The following KCNT2 variants were observed in gnomAD, a reference collection of about 807,000 sequenced individuals.
KCNT2 encodes potassium channel subfamily T member 2.
In KCNT2, 67 loss-of-function variants were observed where a neutral mutation model predicts 153.8. The ratio of observed to expected loss-of-function variants is 0.44; its 90% CI spans 0.36 to 0.53. The LOEUF (loss-of-function observed/expected upper bound fraction) is 0.53. Among genes scored for constraint, KCNT2 ranks in the 20% least tolerant of loss-of-function variants. The pLI is 0.00. For missense variants in KCNT2, 975 were observed against 1,354.8 expected (o/e 0.72, Z 4.40); for synonymous variants, 500 against 458.8 (o/e 1.09, Z -1.15).
chr1:196,392,096 G>A (rs1033818709), intron 13 of KCNT2, among the ~76,000 whole-genome samples: 23 of 151,422 alleles, frequency 1.5e-4, no homozygotes, highest in African/African-American at 5.3e-4. Context: ...ATAAAAATAT[G>A]TGTGTATTTA....
intron 2 of KCNT2, 48 bp downstream of exon 2, chr1:196,492,214 T>C (rs774006483): frequency 7.4e-7 from 1 of 1,357,774 alleles, no homozygotes; most frequent in Admixed American, 3.7e-5. Flanking sequence ...TGAAATATTT[T>C]GAAGTAAATA....
intron 13 of KCNT2, among the ~76,000 whole-genome samples, chr1:196,395,917 G>C (rs891926194): frequency 2.6e-5 from 4 of 151,546 alleles, no homozygotes; most frequent in Admixed American, 2.0e-4. Flanking sequence ...ACCTATGAGA[G>C]TACAAGGACA....
intron 1 of KCNT2, among the ~76,000 whole-genome samples, chr1:196,500,032 T>C (rs1413933734): frequency 1.3e-5 from 2 of 151,752 alleles, no homozygotes; most frequent in Non-Finnish European, 2.9e-5. Flanking sequence ...TAATCCCAGC[T>C]ACTTGGGAGA....
At chr1:196,480,618 G>A (rs572377446) in intron 4 of KCNT2, among the ~76,000 whole-genome samples, 3 of 152,104 alleles carry the variant, frequency 2.0e-5, no homozygotes, top group South Asian at 2.1e-4. Flanking sequence ...CACTTTGGGA[G>A]GCCGAGGTGG....
intron 25 of KCNT2, among the ~76,000 whole-genome samples, chr1:196,265,573 GC>G (rs1164654441): frequency 6.6e-6 from 1 of 152,124 alleles, no homozygotes; most frequent in Non-Finnish European, 1.5e-5. Context: ...CCATGCATCA[GC>G]CCCCATTCTA....
intron 27 of KCNT2, among the ~76,000 whole-genome samples, chr1:196,235,565 T>A (rs758603550): frequency 6.6e-5 from 10 of 151,350 alleles, no homozygotes; most frequent in Non-Finnish European, 1.3e-4. Flanking sequence ...TGTTCAATAA[T>A]TATTTTTCAA....
intron 14 of KCNT2, among the ~76,000 whole-genome samples, chr1:196,350,027 G>A (rs547471955): frequency 1.3e-5 from 2 of 152,238 alleles, no homozygotes; most frequent in African/African-American, 4.8e-5. Context: ...TCCCTACAAA[G>A]AACATGAACT....
At chr1:196,586,929 T>G (rs1662759937) in intron 1 of KCNT2, among the ~76,000 whole-genome samples, 2 of 152,106 alleles carry the variant, frequency 1.3e-5, no homozygotes, top group African/African-American at 4.8e-5. Context: ...AAAAAATATT[T>G]GACGTGAAGC....
At chr1:196,561,268 G>T (rs977966743) in intron 1 of KCNT2, among the ~76,000 whole-genome samples, 1 of 151,302 alleles carries the variant, frequency 6.6e-6, no homozygotes, top group Non-Finnish European at 1.5e-5. Context: ...AGAAAAAATG[G>T]TCAAAGTTTT....
chr1:196,601,480 G>T (rs1227496889), intron 1 of KCNT2, among the ~76,000 whole-genome samples: 1 of 152,134 alleles, frequency 6.6e-6, no homozygotes, highest in East Asian at 1.9e-4. Flanking sequence ...AATTAGTAGG[G>T]TGTTTAATGT....
At chr1:196,539,340 G>C (rs762264570) in intron 1 of KCNT2, among the ~76,000 whole-genome samples, 3 of 152,076 alleles carry the variant, frequency 2.0e-5, no homozygotes, top group African/African-American at 4.8e-5. Context: ...GCCCTCACAG[G>C]CTTTCTTAAA....
At chr1:196,503,912 C>A (rs1348103390) in intron 1 of KCNT2, among the ~76,000 whole-genome samples, 2 of 152,212 alleles carry the variant, frequency 1.3e-5, no homozygotes, top group Admixed American at 1.3e-4. Context: ...ACATGTATGT[C>A]TTTAAGATTT....
intron 13 of KCNT2, among the ~76,000 whole-genome samples, chr1:196,386,962 T>C (rs977130970): frequency 2.0e-5 from 3 of 152,062 alleles, no homozygotes; most frequent in African/African-American, 7.2e-5. Flanking sequence ...GATATTTTAC[T>C]TCATGTAAAC....
chr1:196,519,609 A>G (rs763807381), intron 1 of KCNT2, among the ~76,000 whole-genome samples: 2 of 152,112 alleles, frequency 1.3e-5, no homozygotes, highest in African/African-American at 2.4e-5. Flanking sequence ...AACAAAGGAG[A>G]TATTACCACT....
chr1:196,410,899 C>A (rs984670441), intron 12 of KCNT2, among the ~76,000 whole-genome samples: 3 of 151,156 alleles, frequency 2.0e-5, no homozygotes, highest in Non-Finnish European at 4.4e-5. Flanking sequence ...TCTTTCTTTT[C>A]TTTCTTTTCC....
chr1:196,385,733 T>C (rs1048035540), intron 13 of KCNT2, among the ~76,000 whole-genome samples: 1 of 150,632 alleles, frequency 6.6e-6, no homozygotes, highest in Admixed American at 6.7e-5. Context: ...TCAAGTACTG[T>C]CTCAACCAGT....
intron 26 of KCNT2, among the ~76,000 whole-genome samples, chr1:196,250,271 T>C (rs1410964402): frequency 6.6e-6 from 1 of 152,002 alleles, no homozygotes; most frequent in African/African-American, 2.4e-5. Flanking sequence ...ACTGGCATGG[T>C]ACAGCATGGT....
intron 22 of KCNT2, among the ~76,000 whole-genome samples, chr1:196,287,848 C>G (rs1659814685): frequency 6.6e-6 from 1 of 152,056 alleles, no homozygotes; most frequent in Non-Finnish European, 1.5e-5. Context: ...GCTAGTTAAA[C>G]AAACAGGGAT....
chr1:196,310,962 A>G (rs1002715640), intron 21 of KCNT2, among the ~76,000 whole-genome samples: 2 of 151,774 alleles, frequency 1.3e-5, no homozygotes, highest in African/African-American at 4.8e-5. Context: ...AAGTCCTTGA[A>G]TAGTCACTAC....
Sources: allele counts gnomAD v4.1 joint callset (sites outside exome capture counted in the v4.1 genomes callset), GRCh38; gene constraint gnomAD v4.1.1; transcripts MANE v1.5; gene names NCBI Gene and HGNC (gene_info 2026-07-23, HGNC 2026-07-21).